MAP4: variants seen among roughly 807,000 people sequenced by gnomAD.
The protein encoded by MAP4 is microtubule associated protein 4, also known as microtubule-associated protein 4.
A neutral mutation model predicts 170.2 loss-of-function variants in MAP4; 76 were observed. That is an observed-to-expected ratio of 0.45 (90% CI 0.37 to 0.54). The LOEUF is 0.54. MAP4 is among the 20% of genes least tolerant of loss of function. The pLI, the probability that MAP4 is intolerant of heterozygous loss-of-function variation, is 0.00. For synonymous variants in MAP4, 909 were observed against 994.5 expected (o/e 0.91, Z 1.62); for missense variants, 2,506 against 2,748.0 (o/e 0.91, Z 1.97).
intron 1 of MAP4, among the ~76,000 whole-genome samples, chr3:48,000,957 C>CT (rs1323879997): frequency 6.6e-6 from 1 of 152,212 alleles, no homozygotes; most frequent in Non-Finnish European, 1.5e-5. Flanking sequence ...TCTCCTCCCA[C>CT]TTACATGCTG....
At chr3:47,966,212 T>C in intron 3 of MAP4, among the ~76,000 whole-genome samples, 1 of 137,144 alleles carries the variant, frequency 7.3e-6, no homozygotes, top group African/African-American at 2.6e-5. Flanking sequence ...TAGCTGGGAC[T>C]ACAGGCCCAC....
In MAP4 at chr3:47,852,826, C is replaced by G; in HGVS notation, c.*108G>C. On this transcript the variant is annotated 3_prime_UTR_variant, in exon 21 of 21. Coordinates refer to ENST00000683076, the MANE Select transcript of MAP4 (RefSeq NM_001385682.1). ...AGCCCGGGAAAGGGGGCCAAGGACCCGGGAGCCCGAGTTGGGGCCGCCAGG... is the reference window on the plus strand; with the variant it reads ...AGCCCGGGAAAGGGGGCCAAGGACCGGGGAGCCCGAGTTGGGGCCGCCAGG... 1.9e-6 allele frequency: 3 copies of G among 1,551,684 alleles called. No individual in the cohort carries two copies. The highest frequency in any genetic ancestry group is 2.0e-5 in the Admixed American group (1 of 51,048).
intron 1 of MAP4, among the ~76,000 whole-genome samples, chr3:48,037,860 T>C (rs1176456361): frequency 6.6e-6 from 1 of 152,076 alleles, no homozygotes; most frequent in Non-Finnish European, 1.5e-5. Flanking sequence ...CTCTATAAAC[T>C]GTGAGCTCAA....
In MAP4 at chr3:47,912,424, A is replaced by G. The variant is rs113835395; in HGVS notation, c.2000-3T>C. 6.8e-7 allele frequency: 1 copy of G among 1,463,332 alleles called. No individual in the cohort carries two copies. Among genetic ancestry groups the G allele is most frequent in the Admixed American group, 2.7e-5 (1 of 36,704 alleles). 90.6% of individuals were successfully genotyped at this position (1,463,332 alleles called of 1,614,324 possible). A position where few individuals can be genotyped will look rare whatever the true frequency, so the allele number is the denominator to read the frequency against. On this transcript the variant is annotated splice_region_variant and splice_polypyrimidine_tract_variant and intron_variant, in intron 8 of 20. Coordinates refer to ENST00000683076, the MANE Select transcript of MAP4 (RefSeq NM_001385682.1). ...GGTACCGCAATACATGAAGTTGGCT[A>G]AAATTCCAAACAAAAAACTCCTCGT...
In MAP4 at chr3:47,884,862, G is replaced by A. The variant is rs976668389; in HGVS notation, c.5435-7339C>T. Among the ~76,000 whole-genome samples, 3 of 152,186 alleles carry A rather than the reference G, an allele frequency of 2.0e-5. No individual in the cohort carries two copies. The East Asian group carries it at 5.8e-4, about 29-fold the overall frequency. On this transcript the variant is annotated intron_variant, in intron 10 of 20. Transcript: ENST00000683076. ...CCTGCCCCTGGGTAGAGGATTACAA[G>A]ACACCAGGGCTATAGAAGCCACTGG...
intron 1 of MAP4, among the ~76,000 whole-genome samples, chr3:48,051,402 A>T (rs912658854): frequency 1.1e-4 from 17 of 152,278 alleles, no homozygotes; most frequent in African/African-American, 4.1e-4. Context: ...AAGAAAATTT[A>T]AAAAATTAAA....
Position 47,862,965 on chromosome 3 carries a change from G to GT in MAP4, c.6501+4280dup, listed in dbSNP as rs772169603. On this transcript the variant is annotated intron_variant, in intron 17 of 20. Coordinates refer to ENST00000683076, the MANE Select transcript of MAP4 (RefSeq NM_001385682.1). ...TTGAAAATTCCCACAATAAAAAGTT[G>GT]TTTTTTTTTTTTTTGGTTTTTGTTT... 6.5e-3 allele frequency among the ~76,000 whole-genome samples: 832 copies of GT among 127,958 alleles called. 1 individual carries two copies. The highest frequency in any genetic ancestry group is 0.025 in the East Asian group (107 of 4,342). The allele number at this position is 127,958 out of a possible 152,430, so 83.9% of individuals were successfully genotyped here. A position where few individuals can be genotyped will look rare whatever the true frequency, so the allele number is the denominator to read the frequency against.
chr3:48,018,677 C>T (rs187666830), upstream of MAP4, among the ~76,000 whole-genome samples: 20 of 152,152 alleles, frequency 1.3e-4, no homozygotes, highest in East Asian at 3.5e-3. Flanking sequence ...GTGGTGTGCA[C>T]CTGTAGTCCC....
chr3:47,864,565 T>C (rs2076067798), intron 17 of MAP4, among the ~76,000 whole-genome samples: 5 of 152,138 alleles, frequency 3.3e-5, no homozygotes, highest in Admixed American at 3.3e-4. Context: ...TAGTCCCAGC[T>C]ACTCGGGAGG....
At chr3:47,982,627 G>C (rs539484170) in intron 2 of MAP4, among the ~76,000 whole-genome samples, 1 of 152,088 alleles carries the variant, frequency 6.6e-6, no homozygotes, top group African/African-American at 2.4e-5. Context: ...GAATTTATCA[G>C]AATTCTGAGT....
At chr3:47,958,342 C>A (rs1486342376) in intron 3 of MAP4, among the ~76,000 whole-genome samples, 1 of 152,132 alleles carries the variant, frequency 6.6e-6, no homozygotes, top group Non-Finnish European at 1.5e-5. Flanking sequence ...GTGCTGAAGG[C>A]AAGGGAAACA....
intron 1 of MAP4, among the ~76,000 whole-genome samples, chr3:48,007,262 A>T (rs2100102849): frequency 6.6e-6 from 1 of 152,218 alleles, no homozygotes; most frequent in African/African-American, 2.4e-5. Context: ...CTAGGGATCT[A>T]GTGTTGTGGG....
intron 17 of MAP4, among the ~76,000 whole-genome samples, chr3:47,865,838 G>A (rs2078547519): frequency 6.6e-6 from 1 of 152,136 alleles, no homozygotes; most frequent in Admixed American, 6.5e-5. Flanking sequence ...ACTTTTCTAG[G>A]CACTGTCACA....
At chr3:48,072,250 G>C (rs1033789387) in intron 1 of MAP4, among the ~76,000 whole-genome samples, 3 of 152,086 alleles carry the variant, frequency 2.0e-5, no homozygotes, top group Non-Finnish European at 2.9e-5. Flanking sequence ...GCTCATGCCT[G>C]TAATCCCAGC....
intron 18 of MAP4, among the ~76,000 whole-genome samples, chr3:47,857,077 T>G (rs1447552287): frequency 6.6e-6 from 1 of 152,222 alleles, no homozygotes; most frequent in Non-Finnish European, 1.5e-5. Flanking sequence ...AACACTGCCC[T>G]CTATACAGCT....
In MAP4 at chr3:47,975,101, T is replaced by C. The variant is rs755244540; in HGVS notation, c.292+2764A>G. On this transcript the variant is annotated intron_variant, in intron 3 of 20. Coordinates refer to ENST00000683076, the MANE Select transcript of MAP4 (RefSeq NM_001385682.1). The stretch of plus-strand genomic sequence containing the variant: ...AAAGGAAAAAGGTCAACTAAAAATA[T>C]TTAAAGGAAAAAAATGTGAGAATGA... 9.3e-4 allele frequency: 994 copies of C among 1,064,624 alleles called. 3 individuals are homozygous for C. The highest frequency in any genetic ancestry group is 1.0e-3 in the Non-Finnish European group (894 of 878,456). 65.9% of individuals were successfully genotyped at this position (1,064,624 alleles called of 1,614,324 possible).
Position 47,918,936 on chromosome 3 carries a change from G to GTTTGT in MAP4, c.530-96_530-95insACAAA. ...ATTTTTGTTTTGTTTTGTTTTGTTT[G>GTTTGT]TTTTTTTTTTGAGACAGAGTTTCGC... is the stretch of plus-strand genomic sequence containing the variant. On this transcript the variant is annotated intron_variant, in intron 5 of 20. Transcript: ENST00000683076. The GTTTGT allele has an allele frequency of 6.1e-6, 6 of 980,262 alleles. No homozygotes were observed. The African/African-American group carries it at 6.8e-5, about 11-fold the overall frequency. The allele number at this position is 980,262 out of a possible 1,614,324, so 60.7% of individuals were successfully genotyped here. A position where few individuals can be genotyped will look rare whatever the true frequency, so the allele number is the denominator to read the frequency against.
At chr3:48,001,861 C>A (rs2100099329) in intron 1 of MAP4, among the ~76,000 whole-genome samples, 1 of 151,968 alleles carries the variant, frequency 6.6e-6, no homozygotes, top group South Asian at 2.1e-4. Flanking sequence ...CTAATGAGTT[C>A]CTAAATCATA....
intron 9 of MAP4, among the ~76,000 whole-genome samples, chr3:47,906,904 C>T (rs1305628926): frequency 1.3e-5 from 2 of 150,576 alleles, no homozygotes; most frequent in Non-Finnish European, 2.9e-5. Context: ...GGCGCGATCT[C>T]GGCTCACTGC....
Sources: gnomAD v4.1 joint callset for allele counts (sites outside exome capture counted in the v4.1 genomes callset) on GRCh38, gnomAD v4.1.1 for gene constraint, MANE v1.5 for transcripts, NCBI Gene and HGNC (gene_info 2026-07-23, HGNC 2026-07-21) for gene names.